The following CLSTN2 variants were observed in gnomAD, a reference collection of about 807,000 sequenced individuals.
CLSTN2 encodes the protein calsyntenin-2.
CLSTN2 carries 48 observed loss-of-function variants against 101.2 expected under a neutral mutation model. The observed-to-expected ratio is 0.47, with a 90% CI of 0.38 to 0.60. The LOEUF (loss-of-function observed/expected upper bound fraction) is 0.60. Among genes scored for constraint, CLSTN2 ranks in the 20% least tolerant of loss-of-function variants. CLSTN2 has a pLI of 0.00. For missense variants in CLSTN2, 1,160 were observed against 1,238.2 expected, an observed-to-expected ratio of 0.94 and a Z score of 0.95; for synonymous variants, 481 against 463.6, an observed-to-expected ratio of 1.04 and a Z score of -0.48.
intron 2 of CLSTN2, among the ~76,000 whole-genome samples, chr3:140,323,929 A>G (rs2087307254): frequency 6.6e-6 from 1 of 152,202 alleles, no homozygotes; most frequent in South Asian, 2.1e-4. Context: ...TGCGAATGTC[A>G]TATCCTCACC....
At chr3:140,084,567 C>T (rs1326217423) in intron 1 of CLSTN2, among the ~76,000 whole-genome samples, 1 of 152,174 alleles carries the variant, frequency 6.6e-6, no homozygotes, top group Admixed American at 6.5e-5. Flanking sequence ...CTACAGACAA[C>T]TGCAACAGAA....
chr3:140,240,174 C>CTCTCTATA (rs1311225528), intron 2 of CLSTN2, among the ~76,000 whole-genome samples: 26 of 13,306 alleles, frequency 2.0e-3, no homozygotes, highest in East Asian at 0.014. Context: ...CTCTCTCTCT[C>CTCTCTATA]TATATATATA....
chr3:140,126,186 A>C (rs912639940), intron 1 of CLSTN2, among the ~76,000 whole-genome samples: 1 of 152,106 alleles, frequency 6.6e-6, no homozygotes, highest in Non-Finnish European at 1.5e-5. Context: ...GGTATGGAGA[A>C]TCCATTCTCA....
chr3:140,534,858 A>ATTTG (rs1258617527), intron 9 of CLSTN2, among the ~76,000 whole-genome samples: 2 of 152,220 alleles, frequency 1.3e-5, no homozygotes, highest in Non-Finnish European at 1.5e-5. Flanking sequence ...GCCAATAGAT[A>ATTTG]TTTGTTTGGC....
intron 1 of CLSTN2, among the ~76,000 whole-genome samples, chr3:140,056,486 T>C (rs541897661): frequency 1.6e-4 from 25 of 152,338 alleles, no homozygotes; most frequent in African/African-American, 5.8e-4. Flanking sequence ...CTTCAGTCTT[T>C]CTGAGGACAG....
rs900776885 is a variant in CLSTN2, at chr3:140,089,988, T to C, written c.110-85963T>C. 4.0e-4 allele frequency among the ~76,000 whole-genome samples: 58 copies of C among 145,788 alleles called. 1 individual carries two copies. The highest frequency in any genetic ancestry group is 7.1e-4 in the Non-Finnish European group (47 of 66,580). On this transcript the variant is annotated intron_variant, in intron 1 of 16. Transcript: ENST00000458420. ...AGGATTGGCTTTTTTTTTTTTTTTT[T>C]TTTTTTTTTTTTAACAGACTGAGTA...
At chr3:140,422,009 A>G (rs920958872) in intron 5 of CLSTN2, among the ~76,000 whole-genome samples, 3 of 152,122 alleles carry the variant, frequency 2.0e-5, no homozygotes, top group Admixed American at 1.3e-4. Flanking sequence ...TTCTAGAATT[A>G]TCTCTGCACC....
At chr3:140,372,499 T>C (rs559696278) in intron 2 of CLSTN2, among the ~76,000 whole-genome samples, 15 of 152,310 alleles carry the variant, frequency 9.8e-5, no homozygotes, top group African/African-American at 3.4e-4. Context: ...CTTTATTTGC[T>C]GACAGTAACA....
intron 2 of CLSTN2, among the ~76,000 whole-genome samples, chr3:140,237,544 C>T (rs989588535): frequency 1.3e-5 from 2 of 152,180 alleles, no homozygotes; most frequent in African/African-American, 2.4e-5. Context: ...CCTTAACCTT[C>T]CTGAACTTCT....
chr3:140,172,849 A>G (rs1265614493), intron 1 of CLSTN2, among the ~76,000 whole-genome samples: 1 of 152,174 alleles, frequency 6.6e-6, no homozygotes. Flanking sequence ...TATGGGAGAA[A>G]CTGCCCCCAT....
chr3:140,074,385 C>T (rs2008451174), intron 1 of CLSTN2, among the ~76,000 whole-genome samples: 1 of 152,080 alleles, frequency 6.6e-6, no homozygotes, highest in Non-Finnish European at 1.5e-5. Flanking sequence ...TTCTGGGCAG[C>T]ATGTCGACAA....
chr3:140,339,017 C>G lies in CLSTN2; in HGVS notation c.233-64612C>G, dbSNP rs1216465062. Reference sequence around the variant, plus strand: ...CCACTAGGAGGGAGTAGGAATGTGTCATGCTGCGCAGTGGCTCACCTGGGT... The same window carrying G: ...CCACTAGGAGGGAGTAGGAATGTGTGATGCTGCGCAGTGGCTCACCTGGGT... On this transcript the variant is annotated intron_variant, in intron 2 of 16. Coordinates refer to ENST00000458420, the MANE Select transcript of CLSTN2 (RefSeq NM_022131.3). Among the ~76,000 whole-genome samples the G allele has an allele frequency of 2.0e-5, 3 of 152,210 alleles. No homozygotes were observed. In the East Asian group the frequency reaches 5.8e-4, roughly 29 times the overall value.
At chr3:140,184,699 T>C (rs1161602749) in intron 2 of CLSTN2, among the ~76,000 whole-genome samples, 1 of 152,164 alleles carries the variant, frequency 6.6e-6, no homozygotes, top group Non-Finnish European at 1.5e-5. Context: ...TGCAATCATT[T>C]CATCACAGCT....
At chr3:140,328,496 GT>G (rs1476070577) in intron 2 of CLSTN2, among the ~76,000 whole-genome samples, 1 of 152,172 alleles carries the variant, frequency 6.6e-6, no homozygotes, top group Middle Eastern at 3.2e-3. Flanking sequence ...TTACCCTCGA[GT>G]TTTCCTAAGC....
At chr3:140,189,302 C>T (rs1474853094) in intron 2 of CLSTN2, among the ~76,000 whole-genome samples, 1 of 152,086 alleles carries the variant, frequency 6.6e-6, no homozygotes, top group Non-Finnish European at 1.5e-5. Context: ...ATAGTAGTTG[C>T]CTGTTAAGTT....
At position 140,238,041 on chromosome 3, in the gene CLSTN2, A is replaced by G. The variant is rs530832985; in HGVS notation, c.232+61968A>G. 2.7e-4 allele frequency among the ~76,000 whole-genome samples: 41 copies of G among 152,268 alleles called. 1 individual carries two copies. The highest frequency in any genetic ancestry group is 1.5e-3 in the Admixed American group (23 of 15,286). ...GACATCAACATGTGTTTGCACATCAACCTATTCAGTATTCAAAGGGACTGG... is the reference window on the plus strand; with the variant it reads ...GACATCAACATGTGTTTGCACATCAGCCTATTCAGTATTCAAAGGGACTGG... On this transcript the variant is annotated intron_variant, in intron 2 of 16. Transcript: ENST00000458420.
At chr3:140,176,340 G>C (rs928784296) in intron 2 of CLSTN2, among the ~76,000 whole-genome samples, 8 of 152,180 alleles carry the variant, frequency 5.3e-5, no homozygotes, top group African/African-American at 1.9e-4. Context: ...AATTGCTGAA[G>C]TGGCCTGTGG....
intron 1 of CLSTN2, among the ~76,000 whole-genome samples, chr3:139,984,925 A>G (rs1560061924): frequency 6.6e-6 from 1 of 152,132 alleles, no homozygotes; most frequent in Non-Finnish European, 1.5e-5. Context: ...TCCTTTTTGT[A>G]TCTATACCAC....
At chr3:140,008,053 A>G (rs565090490) in intron 1 of CLSTN2, among the ~76,000 whole-genome samples, 14 of 152,372 alleles carry the variant, frequency 9.2e-5, no homozygotes, top group African/African-American at 3.1e-4. Flanking sequence ...TGCCAGCTGC[A>G]GTGATGCCAA....
Sources: allele counts gnomAD v4.1 joint callset (sites outside exome capture counted in the v4.1 genomes callset), GRCh38; gene constraint gnomAD v4.1.1; transcripts MANE v1.5; gene names NCBI Gene and HGNC (gene_info 2026-07-23, HGNC 2026-07-21).